Variants in HDAC9 observed in about 807,000 individuals in gnomAD.
HDAC9 encodes the protein histone deacetylase 9.
In HDAC9, 41 loss-of-function variants were observed where a neutral mutation model predicts 139.4. The observed-to-expected ratio is 0.29, with a 90% confidence interval of 0.23 to 0.38. HDAC9 has a LOEUF of 0.38. Among genes scored for constraint, HDAC9 ranks in the 10% least tolerant of loss-of-function variants. HDAC9 has a pLI of 1.00. For missense variants in HDAC9, 1,147 were observed against 1,297.0 expected, an observed-to-expected ratio of 0.88 and a Z score of 1.78; for synonymous variants, 517 against 476.2, an observed-to-expected ratio of 1.09 and a Z score of -1.12.
At chr7:18,546,165 G>A (rs2128636802) in intron 2 of HDAC9, among the ~76,000 whole-genome samples, 1 of 152,268 alleles carries the variant, frequency 6.6e-6, no homozygotes, top group Admixed American at 6.5e-5. Flanking sequence ...TTGCATAGAT[G>A]TTGGAAAGAG....
At chr7:18,265,542 C>A (rs2128209617) in intron 2 of HDAC9, among the ~76,000 whole-genome samples, 1 of 152,092 alleles carries the variant, frequency 6.6e-6, no homozygotes, top group East Asian at 1.9e-4. Flanking sequence ...AGGTTTTTTT[C>A]CTTATGATAA....
intron 6 of HDAC9, among the ~76,000 whole-genome samples, chr7:18,615,084 G>A (rs1838207326): frequency 6.6e-6 from 1 of 152,126 alleles, no homozygotes; most frequent in Non-Finnish European, 1.5e-5. Flanking sequence ...ATTGAGTTAT[G>A]GTGGGGCACA....
intron 2 of HDAC9, among the ~76,000 whole-genome samples, chr7:18,243,134 C>A (rs972364864): frequency 6.6e-6 from 1 of 152,086 alleles, no homozygotes; most frequent in Non-Finnish European, 1.5e-5. Flanking sequence ...CATAGTCATT[C>A]TTTTTCTGTG....
chr7:18,749,893 C>A (rs1401917626), intron 14 of HDAC9, among the ~76,000 whole-genome samples: 1 of 152,140 alleles, frequency 6.6e-6, no homozygotes, highest in Admixed American at 6.6e-5. Flanking sequence ...AAATGCCCTT[C>A]ATGGGTTTTC....
At chr7:18,256,584 T>A (rs1168214960) in intron 2 of HDAC9, among the ~76,000 whole-genome samples, 2 of 152,210 alleles carry the variant, frequency 1.3e-5, no homozygotes, top group African/African-American at 4.8e-5. Flanking sequence ...ATGGGAACAA[T>A]CATAAGGAAT....
chr7:18,442,788 T>C (rs1180106244), intron 1 of HDAC9, among the ~76,000 whole-genome samples: 1 of 152,214 alleles, frequency 6.6e-6, no homozygotes, highest in African/African-American at 2.4e-5. Flanking sequence ...ATAGTCAAGA[T>C]AGCGCCTGGT....
chr7:18,654,051 T>G (rs1015051058), intron 11 of HDAC9, among the ~76,000 whole-genome samples: 1 of 152,174 alleles, frequency 6.6e-6, no homozygotes, highest in Non-Finnish European at 1.5e-5. Context: ...TAGAACTATT[T>G]TGTGCACTAT....
At chr7:18,893,716 A>G (rs1247844671) in intron 22 of HDAC9, among the ~76,000 whole-genome samples, 3 of 152,202 alleles carry the variant, frequency 2.0e-5, no homozygotes, top group South Asian at 2.1e-4. Flanking sequence ...CATAGAGTAC[A>G]TTAGGAGTTC....
intron 22 of HDAC9, among the ~76,000 whole-genome samples, chr7:18,916,700 C>G (rs1396198554): frequency 6.6e-6 from 1 of 151,980 alleles, no homozygotes. Flanking sequence ...CCTATCAGAG[C>G]CATTACTCCC....
intron 1 of HDAC9, among the ~76,000 whole-genome samples, chr7:18,306,973 A>T (rs1400798462): frequency 2.6e-5 from 4 of 152,030 alleles, no homozygotes; most frequent in Non-Finnish European, 4.4e-5. Flanking sequence ...TCTCTCGTGG[A>T]CCTCATTCCA....
rs1348432342 is a variant in HDAC9 at position 18,996,210 on chromosome 7, T to C, written c.*148T>C. 1 of 558,792 alleles carries C rather than the reference T, an allele frequency of 1.8e-6. No individual in the cohort carries two copies. Among genetic ancestry groups the C allele is most frequent in the African/African-American group, 1.9e-5 (1 of 52,626 alleles). 34.6% of individuals were successfully genotyped at this position (558,792 alleles called of 1,614,324 possible). A position where few individuals can be genotyped will look rare whatever the true frequency, so the allele number is the denominator to read the frequency against. On this transcript the variant is annotated 3_prime_UTR_variant, in exon 26 of 26. Coordinates refer to ENST00000686413, the MANE Select transcript of HDAC9 (RefSeq NM_178425.4). ...TGGGCACAAAATTCTGAACAGCAGC[T>C]TCACTTGTTCTTTGGATGGACTTGA...
chr7:18,174,129 G>T (rs1026518315), intron 2 of HDAC9, among the ~76,000 whole-genome samples: 9 of 152,062 alleles, frequency 5.9e-5, no homozygotes, highest in Admixed American at 5.2e-4. Flanking sequence ...CATATTTCTT[G>T]GAGGCTTTGT....
chr7:18,237,458 G>A (rs541648595), intron 2 of HDAC9, among the ~76,000 whole-genome samples: 1 of 152,080 alleles, frequency 6.6e-6, no homozygotes, highest in East Asian at 1.9e-4. Flanking sequence ...CGAATAAATG[G>A]GTGATACCTG....
chr7:18,824,087 G>GAAGAACAAC (rs1331001570), intron 17 of HDAC9, among the ~76,000 whole-genome samples: 4 of 147,434 alleles, frequency 2.7e-5, no homozygotes, highest in African/African-American at 1.0e-4. Context: ...AGAAGAAGAA[G>GAAGAACAAC]AACAAGAACA....
intron 1 of HDAC9, among the ~76,000 whole-genome samples, chr7:18,138,221 G>A (rs939274971): frequency 4.0e-5 from 6 of 151,816 alleles, no homozygotes; most frequent in African/African-American, 7.3e-5. Flanking sequence ...TCTTGCTAGT[G>A]GTCTATCAAT....
At chr7:18,572,759 T>C (rs1466563498) in intron 2 of HDAC9, among the ~76,000 whole-genome samples, 2 of 152,176 alleles carry the variant, frequency 1.3e-5, no homozygotes, top group Non-Finnish European at 2.9e-5. Flanking sequence ...TCTATTACCT[T>C]GGAGTCCCAT....
chr7:18,157,125 G>A (rs1381070835), intron 1 of HDAC9, among the ~76,000 whole-genome samples: 6 of 152,156 alleles, frequency 3.9e-5, no homozygotes, highest in East Asian at 1.9e-4. Context: ...TGCAGAAAAG[G>A]TAATAGTATC....
intron 2 of HDAC9, among the ~76,000 whole-genome samples, chr7:18,501,920 C>A (rs1231186840): frequency 1.3e-5 from 2 of 152,082 alleles, no homozygotes. Context: ...AAATGACAGA[C>A]AAGTAGGACA....
chr7:18,158,494 C>T (rs1174250278), intron 1 of HDAC9, among the ~76,000 whole-genome samples: 1 of 152,186 alleles, frequency 6.6e-6, no homozygotes, highest in Admixed American at 6.5e-5. Context: ...TAATTCCTTG[C>T]AATGCCGCGA....
Sources: gnomAD v4.1 joint callset for allele counts (sites outside exome capture counted in the v4.1 genomes callset) on GRCh38, gnomAD v4.1.1 for gene constraint, MANE v1.5 for transcripts, NCBI Gene and HGNC (gene_info 2026-07-23, HGNC 2026-07-21) for gene names.